Variants in MAGOH observed in about 807,000 individuals in gnomAD.
MAGOH encodes the protein protein mago nashi homolog.
MAGOH carries 3 observed loss-of-function variants against 20.9 expected under a neutral mutation model. The ratio of observed to expected loss-of-function variants is 0.14; its 90% CI spans 0.07 to 0.37. The LOEUF (loss-of-function observed/expected upper bound fraction) is 0.37. Among genes scored for constraint, MAGOH ranks in the 10% least tolerant of loss-of-function variants. MAGOH has a pLI of 1.00. For missense variants in MAGOH, 66 were observed against 178.1 expected (o/e 0.37, Z 3.58); for synonymous variants, 51 against 61.0 (o/e 0.84, Z 0.76).
chr1:53,230,821 C>T (rs115825009), intron 3 of MAGOH, among the ~76,000 whole-genome samples: 1,826 of 152,206 alleles, frequency 0.012, 43 homozygotes, highest in African/African-American at 0.042. Flanking sequence ...ACATTGTTTT[C>T]GAGATTTATC....
At chr1:53,234,424 A>G (rs1237660662) in intron 2 of MAGOH, among the ~76,000 whole-genome samples, 1 of 134,392 alleles carries the variant, frequency 7.4e-6, no homozygotes, top group African/African-American at 2.9e-5. Flanking sequence ...CCCAGGCTGG[A>G]GTGCAGTGGT....
At chr1:53,237,915 C>G (rs1015377866) in intron 1 of MAGOH, among the ~76,000 whole-genome samples, 2 of 152,116 alleles carry the variant, frequency 1.3e-5, no homozygotes, top group Non-Finnish European at 2.9e-5. Context: ...AGGCTGAGCC[C>G]TTCTTGTTAA....
chr1:53,233,678 G>A lies in MAGOH; in HGVS notation c.148-26C>T, dbSNP rs778464640. The A allele has an allele frequency of 7.1e-6, 10 of 1,409,952 alleles. No individual in the cohort carries two copies. The South Asian group carries it at 1.2e-4, about 16-fold the overall frequency. The allele number at this position is 1,409,952 out of a possible 1,614,324, so 87.3% of individuals were successfully genotyped here. On this transcript the variant is annotated intron_variant, in intron 2 of 4. Coordinates refer to ENST00000371470, the MANE Select transcript of MAGOH (RefSeq NM_002370.4). ...CTGAACGCAAGTTAAAAAACAAAAT[G>A]TATGTTGTATCCTTAAGCAGTGCTT...
chr1:53,233,771 TG>T, intron 2 of MAGOH, 119 bp from the exon 3 acceptor site: 1 of 701,528 alleles, frequency 1.4e-6, no homozygotes, highest in Non-Finnish European at 2.5e-6. Context: ...TCTCCTTAAG[TG>T]GGAAGACATT....
chr1:53,236,651 G>A (rs1225741976), intron 1 of MAGOH, among the ~76,000 whole-genome samples: 1 of 152,062 alleles, frequency 6.6e-6, no homozygotes, highest in African/African-American at 2.4e-5. Flanking sequence ...TGACCCTCAG[G>A]CTTGGTTAGG....
At chr1:53,237,826 C>T (rs745340854) in intron 1 of MAGOH, among the ~76,000 whole-genome samples, 1 of 152,084 alleles carries the variant, frequency 6.6e-6, no homozygotes, top group Non-Finnish European at 1.5e-5. Flanking sequence ...ACCTGAGACA[C>T]GCCTAGCTCA....
chr1:53,238,442 T>C lies in MAGOH; in HGVS notation c.7A>G (p.Ser3Gly). Residue 3 changes from serine to glycine, a missense_variant, in exon 1 of 5, where the codon AGT becomes GGT. Ser to Gly is a moderately conservative substitution (Grantham distance 56, BLOSUM62 0). Coordinates refer to ENST00000371470, the MANE Select transcript of MAGOH (RefSeq NM_002370.4). ...ACGTAGTAACGCAGATAAAAGTCAC[T>C]CTCCATGGCTCCCAAAAGACAACCG... ME[S>G]DFYLRYYVGH... 1 of 1,613,688 alleles carries C rather than the reference T, an allele frequency of 6.2e-7. No homozygotes were observed. The highest frequency in any genetic ancestry group is 1.1e-5 in the South Asian group (1 of 91,066).
At chr1:53,232,280 A>C (rs571974916) in intron 3 of MAGOH, among the ~76,000 whole-genome samples, 5 of 152,214 alleles carry the variant, frequency 3.3e-5, no homozygotes, top group Non-Finnish European at 5.9e-5. Context: ...ATGGGTTTTC[A>C]TATTAATTTA....
Position 53,230,813 on chromosome 1 carries a change from A to C in MAGOH, c.259-1859T>G, listed in dbSNP as rs536303375. 2.0e-3 allele frequency among the ~76,000 whole-genome samples: 311 copies of C among 152,174 alleles called. 3 individuals carry two copies. Among genetic ancestry groups the C allele is most frequent in the African/African-American group, 7.0e-3 (291 of 41,510 alleles). On this transcript the variant is annotated intron_variant, in intron 3 of 4. Transcript: ENST00000371470. Reference sequence around the variant, plus strand: ...ATACTTTTTACATTTTTCATTCCACATTGTTTTCGAGATTTATCAATGTTG... The same window carrying C: ...ATACTTTTTACATTTTTCATTCCACCTTGTTTTCGAGATTTATCAATGTTG...
intron 2 of MAGOH, 118 bp from the exon 3 acceptor site, chr1:53,233,770 G>GCA: frequency 1.4e-6 from 1 of 708,262 alleles, no homozygotes; most frequent in Non-Finnish European, 2.5e-6. Flanking sequence ...ATCTCCTTAA[G>GCA]TGGGAAGACA....
intron 3 of MAGOH, among the ~76,000 whole-genome samples, chr1:53,231,406 C>T (rs1645585630): frequency 6.6e-6 from 1 of 152,174 alleles, no homozygotes; most frequent in African/African-American, 2.4e-5. Context: ...GTCAAATTTA[C>T]CAATCTTACC....
intron 3 of MAGOH, among the ~76,000 whole-genome samples, chr1:53,230,043 G>C (rs536449695): frequency 6.6e-6 from 1 of 152,338 alleles, no homozygotes; most frequent in East Asian, 1.9e-4. Context: ...TTTCCAAACA[G>C]TGACATGAGT....
intron 2 of MAGOH, 167 bp from the exon 3 acceptor site, chr1:53,233,819 G>A (rs771980514): frequency 1.4e-5 from 8 of 570,132 alleles, no homozygotes; most frequent in South Asian, 5.9e-5. Context: ...TGAGGGACAC[G>A]GTCAGAAGTA....
chr1:53,237,757 A>G (rs1001749219), intron 1 of MAGOH, among the ~76,000 whole-genome samples: 8 of 148,600 alleles, frequency 5.4e-5, no homozygotes, highest in African/African-American at 2.0e-4. Context: ...GCTCCTACCT[A>G]CCTATCCGAC....
chr1:53,233,484 A>G, intron 3 of MAGOH, 58 bp downstream of exon 3: 4 of 1,145,772 alleles, frequency 3.5e-6, no homozygotes, highest in Admixed American at 3.7e-5. Flanking sequence ...TGGAGGAGGG[A>G]GTGTGGGGGG....
At chr1:53,236,138 G>A (rs1645609060) in intron 1 of MAGOH, among the ~76,000 whole-genome samples, 1 of 152,240 alleles carries the variant, frequency 6.6e-6, no homozygotes, top group Non-Finnish European at 1.5e-5. Context: ...GCCCATGTGT[G>A]CATCTGACAG....
intron 4 of MAGOH, among the ~76,000 whole-genome samples, chr1:53,228,289 G>A (rs374512490): frequency 6.6e-6 from 1 of 151,992 alleles, no homozygotes; most frequent in Admixed American, 6.5e-5. Context: ...AAAATTAGCC[G>A]GGTGTGGTGG....
intron 2 of MAGOH, 108 bp from the exon 3 acceptor site, chr1:53,233,760 A>T: frequency 1.3e-6 from 1 of 756,082 alleles, no homozygotes. Flanking sequence ...TATTTCTGGC[A>T]TCTCCTTAAG....
intron 1 of MAGOH, among the ~76,000 whole-genome samples, chr1:53,237,673 C>CAAAAAAA (rs1231950502): frequency 1.1e-4 from 6 of 55,318 alleles, no homozygotes; most frequent in Non-Finnish European, 1.4e-4. Context: ...AAAGCCGTCT[C>CAAAAAAA]AAAAAAAAAA....
Sources: allele counts gnomAD v4.1 joint callset (sites outside exome capture counted in the v4.1 genomes callset), GRCh38; gene constraint gnomAD v4.1.1; transcripts MANE v1.5; gene names NCBI Gene and HGNC (gene_info 2026-07-23, HGNC 2026-07-21).